SCAMP5: variants seen among roughly 807,000 people sequenced by gnomAD.
The protein encoded by SCAMP5 is secretory carrier membrane protein 5, also known as secretory carrier-associated membrane protein 5.
A neutral mutation model predicts 28.3 loss-of-function variants in SCAMP5; 7 were observed. That is an observed-to-expected ratio of 0.25 (90% confidence interval 0.14 to 0.46). SCAMP5 has a LOEUF of 0.46. Among genes scored for constraint, SCAMP5 ranks in the 20% least tolerant of loss-of-function variants. SCAMP5 has a pLI of 0.99. For synonymous variants in SCAMP5, 117 were observed against 116.4 expected (o/e 1.00, Z -0.03); for missense variants, 192 against 312.5 (o/e 0.61, Z 2.91).
intron 3 of SCAMP5, among the ~76,000 whole-genome samples, chr15:75,016,097 G>T (rs1567031058): frequency 6.6e-6 from 1 of 152,122 alleles, no homozygotes; most frequent in Non-Finnish European, 1.5e-5. Context: ...AAAGTGTAAG[G>T]TCGGTTTCCC....
chr15:74,997,651 C>T (rs925579474), intron 1 of SCAMP5, among the ~76,000 whole-genome samples: 1 of 152,090 alleles, frequency 6.6e-6, no homozygotes, highest in African/African-American at 2.4e-5. Context: ...GCAGAGGGGG[C>T]GGCTAGAGAT....
At chr15:75,008,782 G>A (rs1196348776) in intron 1 of SCAMP5, among the ~76,000 whole-genome samples, 3 of 152,156 alleles carry the variant, frequency 2.0e-5, no homozygotes, top group Non-Finnish European at 4.4e-5. Flanking sequence ...GATTACAGGT[G>A]TGAGTCACCA....
chr15:74,997,543 G>A (rs76089273), intron 1 of SCAMP5, among the ~76,000 whole-genome samples: 204 of 152,342 alleles, frequency 1.3e-3, no homozygotes, highest in African/African-American at 4.5e-3. Context: ...GGGATGCAGA[G>A]CAGCGATTTT....
chr15:75,007,362 T>A (rs12900654), intron 1 of SCAMP5, among the ~76,000 whole-genome samples: 2 of 152,054 alleles, frequency 1.3e-5, no homozygotes, highest in Non-Finnish European at 2.9e-5. Context: ...AAGAGTAAAC[T>A]TGCTAAAATT....
At chr15:75,016,531 A>C in intron 3 of SCAMP5, 62 bp from the exon 4 acceptor site, 1 of 1,517,670 alleles carries the variant, frequency 6.6e-7, no homozygotes, top group Non-Finnish European at 8.9e-7. Context: ...CCGGGTGCTC[A>C]TGTGTCTCTC....
intron 3 of SCAMP5, among the ~76,000 whole-genome samples, chr15:75,015,623 T>G (rs973301294): frequency 2.0e-5 from 3 of 152,166 alleles, no homozygotes; most frequent in African/African-American, 7.2e-5. Flanking sequence ...GGCATGAGTG[T>G]TATCTAAGAA....
At chr15:75,014,219 TGG>T (rs1318800760) in intron 3 of SCAMP5, among the ~76,000 whole-genome samples, 1 of 151,984 alleles carries the variant, frequency 6.6e-6, no homozygotes, top group Non-Finnish European at 1.5e-5. Flanking sequence ...CCTCATGGCA[TGG>T]TAGGAAGAGG....
At chr15:75,014,997 T>A (rs2065846525) in intron 3 of SCAMP5, among the ~76,000 whole-genome samples, 1 of 152,072 alleles carries the variant, frequency 6.6e-6, no homozygotes, top group South Asian at 2.1e-4. Flanking sequence ...GGCCCTGAGA[T>A]GGGTGACACG....
At chr15:75,017,122 C>T (rs2065866543) in intron 4 of SCAMP5, among the ~76,000 whole-genome samples, 1 of 152,056 alleles carries the variant, frequency 6.6e-6, no homozygotes, top group Non-Finnish European at 1.5e-5. Context: ...CGACTTGGTG[C>T]CAAGGACACC....
intron 1 of SCAMP5, among the ~76,000 whole-genome samples, chr15:75,002,316 G>A (rs926773042): frequency 1.3e-5 from 2 of 151,708 alleles, no homozygotes; most frequent in African/African-American, 4.8e-5. Flanking sequence ...CACGGGCTTT[G>A]TCTATCAGGT....
At position 74,996,316 on chromosome 15, in the gene SCAMP5, T is replaced by G. The variant is rs959683078; in HGVS notation, c.-49+643T>G. The G allele has an allele frequency of 2.6e-5, 4 of 152,352 alleles. No homozygotes were observed. Among genetic ancestry groups the G allele is most frequent in the African/African-American group, 9.7e-5 (4 of 41,436 alleles). The allele number at this position is 152,352 out of a possible 1,614,324, so 9.4% of individuals were successfully genotyped here. A position where few individuals can be genotyped will look rare whatever the true frequency, so the allele number is the denominator to read the frequency against. On this transcript the variant is annotated intron_variant, in intron 1 of 6. Transcript: ENST00000425597. The surrounding 1 kb of genome is among the most constrained non-coding windows in gnomAD (Gnocchi z 4.1). ...CAACGCTGGCCGGAGGTCACGAGGA[T>G]GGAGGTGAGGTGTTTGTGAACCGAT...
intron 3 of SCAMP5, among the ~76,000 whole-genome samples, chr15:75,013,470 A>G (rs960153828): frequency 1.3e-5 from 2 of 152,144 alleles, no homozygotes; most frequent in Non-Finnish European, 2.9e-5. Flanking sequence ...AGGCTGAGCC[A>G]GGAGGATCAC....
Position 75,017,946 on chromosome 15 carries a change from G to A in SCAMP5, c.370G>A (p.Val124Met), listed in dbSNP as rs775002369. 1.2e-5 allele frequency: 20 copies of A among 1,613,192 alleles called. No homozygotes were observed. The highest frequency in any genetic ancestry group is 3.3e-5 in the Admixed American group (2 of 59,998). Reference protein sequence around the residue: ...AQLVISIIQAVGIPGWGVCGW... With the variant: ...AQLVISIIQAMGIPGWGVCGW... ...GTTGGTCATCAGCATCATCCAGGCC[G>A]TGGGCATCCCAGGCTGGGGCGTCTG... Residue 124 changes from valine to methionine, a missense_variant, in exon 5 of 7, where the codon GTG (valine) becomes ATG (methionine). Physicochemically the swap from Val to Met is conservative, Grantham distance 21. Coordinates refer to ENST00000425597, the MANE Select transcript of SCAMP5 (RefSeq NM_138967.4).
chr15:75,005,981 CTTTTTTTT>C (rs527501720), intron 1 of SCAMP5, among the ~76,000 whole-genome samples: 1 of 81,030 alleles, frequency 1.2e-5, no homozygotes, highest in South Asian at 7.6e-4. Context: ...CTCGGCCTCC[CTTTTTTTT>C]TTTTTTTTTT....
At chr15:74,998,165 T>A (rs568056107) in intron 1 of SCAMP5, among the ~76,000 whole-genome samples, 1 of 152,354 alleles carries the variant, frequency 6.6e-6, no homozygotes, top group African/African-American at 2.4e-5. Context: ...TAGGGTTTCA[T>A]GAACAAAATT....
Position 75,018,330 on chromosome 15 carries a change from G to T in SCAMP5, c.396-88G>T. ...GCATCCAGTGATATGTTTCCTCCCT[G>T]TGGCAATGAGACGGTCCCTTCCTCT... On this transcript the variant is annotated intron_variant, in intron 5 of 6. Transcript: ENST00000425597. The surrounding 1 kb of genome is among the most constrained non-coding windows in gnomAD (Gnocchi z 5.6). 3.6e-6 allele frequency: 3 copies of T among 823,436 alleles called. No individual in the cohort carries two copies. Among genetic ancestry groups the T allele is most frequent in the African/African-American group, 1.7e-5 (1 of 59,940 alleles). 51.0% of individuals were successfully genotyped at this position (823,436 alleles called of 1,614,324 possible).
At chr15:75,003,581 G>A (rs575161046) in intron 1 of SCAMP5, among the ~76,000 whole-genome samples, 33 of 152,288 alleles carry the variant, frequency 2.2e-4, no homozygotes, top group East Asian at 7.7e-4. Context: ...AAGCCAGGGC[G>A]GGTAGATCGC....
Position 75,019,117 on chromosome 15 carries a change from T to TTATATATA in SCAMP5, c.*144_*151dup, listed in dbSNP as rs71434247. ...CCCTACTTTGTACAAAGGACCAGAG[T>TTATATATA]TATATATATATATATATGTATATGT... On this transcript the variant is annotated 3_prime_UTR_variant, in exon 7 of 7. Transcript: ENST00000425597. 2.5e-5 allele frequency: 12 copies of TTATATATA among 485,720 alleles called. No individual in the cohort carries two copies. Among genetic ancestry groups the TTATATATA allele is most frequent in the African/African-American group, 2.1e-4 (10 of 48,132 alleles). The allele number at this position is 485,720 out of a possible 1,614,324, so 30.1% of individuals were successfully genotyped here.
chr15:75,017,516 T>A (rs540119903), intron 4 of SCAMP5: 1 of 491,944 alleles, frequency 2.0e-6, no homozygotes, highest in South Asian at 3.5e-5. Context: ...TCCATCCATG[T>A]ACCAGTGGAG....
Sources: allele counts gnomAD v4.1 joint callset (sites outside exome capture counted in the v4.1 genomes callset), GRCh38; gene constraint gnomAD v4.1.1; non-coding constraint Gnocchi (gnomAD v3.1); transcripts MANE v1.5; gene names NCBI Gene and HGNC (gene_info 2026-07-23, HGNC 2026-07-21).